Variants in ADCY7 observed in about 807,000 individuals in gnomAD.
ADCY7 encodes the protein adenylate cyclase 7, also known as adenylate cyclase type 7.
A neutral mutation model predicts 120.6 loss-of-function variants in ADCY7; 72 were observed. The ratio of observed to expected loss-of-function variants is 0.60; its 90% CI spans 0.49 to 0.73. The LOEUF is 0.73. Among genes scored for constraint, ADCY7 ranks in the 30% least tolerant of loss-of-function variants. The pLI, the probability that ADCY7 is intolerant of heterozygous loss-of-function variation, is 0.00. For missense variants in ADCY7, 1,227 were observed against 1,486.0 expected (o/e 0.83, Z 2.87); for synonymous variants, 661 against 628.0 (o/e 1.05, Z -0.78).
At chr16:50,267,143 T>C (rs1005321879) in intron 1 of ADCY7, among the ~76,000 whole-genome samples, 6 of 152,130 alleles carry the variant, frequency 3.9e-5, no homozygotes, top group African/African-American at 1.4e-4. Flanking sequence ...CTGAAAGGAG[T>C]GCATGCCTGA....
In ADCY7 at chr16:50,314,399, C is replaced by T. The variant is rs1412161592; in HGVS notation, c.2964C>T (p.Leu988=). 1.9e-6 allele frequency: 3 copies of T among 1,613,456 alleles called. No homozygotes were observed. Among genetic ancestry groups the T allele is most frequent in the East Asian group, 2.2e-5 (1 of 44,880 alleles). The change falls in exon 24 of 26, where the codon CTC becomes CTT. Residue 988 remains leucine, a synonymous_variant. Coordinates refer to ENST00000673801, the MANE Select transcript of ADCY7 (RefSeq NM_001114.5). ...GGCACTCCTTCAACTCCTTCCGCCT[C>T]CGCGTCGGTGAGCCCGGGTGATGGA... ...INRHSFNSFR[L]RVGINHGPVI... is the part of the protein sequence containing the mutation.
intron 21 of ADCY7, among the ~76,000 whole-genome samples, chr16:50,312,669 T>G (rs1486650755): frequency 6.6e-6 from 1 of 152,094 alleles, no homozygotes; most frequent in African/African-American, 2.4e-5. Flanking sequence ...CCATGGTGCT[T>G]CTGTGAGCAA....
rs992076078 is a variant in ADCY7 at position 50,297,966 on chromosome 16, A to G, written c.949-938A>G. ...CCATGAGGCCTCGGTGCATGTGGCC[A>G]CCCTTGCTGAGGGCTTAAGGAGGGT... is the stretch of plus-strand genomic sequence containing the variant. On this transcript the variant is annotated intron_variant, in intron 7 of 25. Transcript: ENST00000673801. The surrounding 1 kb of genome is among the most constrained non-coding windows in gnomAD (Gnocchi z 4.4). Among the ~76,000 whole-genome samples, 7 of 151,190 alleles carry G rather than the reference A, an allele frequency of 4.6e-5. No homozygotes were observed. Among genetic ancestry groups the G allele is most frequent in the Admixed American group, 3.3e-4 (5 of 15,162 alleles).
At position 50,310,874 on chromosome 16, in the gene ADCY7, C is replaced by G; in HGVS notation, c.2348C>G (p.Thr783Ser). ...GGCAACCTCACCAAGCCCAACGGCA[C>G]CACCAGGTGGGGTCCCGCCCGTCCC... is the stretch of plus-strand genomic sequence containing the variant. ...GLGNLTKPNG[T>S]TSGTPSCSWK... The change falls in exon 19 of 26, where the codon ACC (threonine) becomes AGC (serine). Residue 783 changes from threonine (T) to serine (S), a missense_variant. By Grantham distance (58) the Thr-to-Ser change is moderately conservative. This residue lies in a region of ADCY7 where 267 missense variants were observed against 270.0 expected (regional missense o/e 0.99). Transcript: ENST00000673801. 4 of 1,603,360 alleles carry G rather than the reference C, an allele frequency of 2.5e-6. No individual in the cohort carries two copies. The East Asian group carries it at 9.0e-5, about 36-fold the overall frequency.
chr16:50,285,157 C>A (rs1409087851), intron 1 of ADCY7, among the ~76,000 whole-genome samples: 5 of 152,240 alleles, frequency 3.3e-5, no homozygotes, highest in South Asian at 2.1e-4. Context: ...ATTTAAAAAT[C>A]ATCATTTCAC....
chr16:50,307,213 C>T, intron 15 of ADCY7, 66 bp downstream of exon 15: 2 of 1,487,660 alleles, frequency 1.3e-6, no homozygotes, highest in South Asian at 2.3e-5. Flanking sequence ...TGACTATGAA[C>T]CTGCAAGGAG....
chr16:50,308,553 T>C, intron 16 of ADCY7, 114 bp from the exon 17 acceptor site: 1 of 1,549,822 alleles, frequency 6.5e-7, no homozygotes, highest in Non-Finnish European at 8.7e-7. Context: ...TCGGGGACAA[T>C]TTCCTGAGTG....
At chr16:50,310,239 G>A (rs1228228681) in intron 18 of ADCY7, among the ~76,000 whole-genome samples, 1 of 152,142 alleles carries the variant, frequency 6.6e-6, no homozygotes, top group East Asian at 1.9e-4. Flanking sequence ...AGAACTGGGA[G>A]ATGGAGCCGG....
At chr16:50,287,570 C>T (rs941718243) in intron 1 of ADCY7, among the ~76,000 whole-genome samples, 3 of 151,000 alleles carry the variant, frequency 2.0e-5, no homozygotes, top group South Asian at 2.1e-4. Context: ...GTCCCAGCTA[C>T]GTAGGAGGCT....
chr16:50,292,962 G>A lies in ADCY7; in HGVS notation c.687+137G>A, dbSNP rs868157549. 28 of 1,163,922 alleles carry A rather than the reference G, an allele frequency of 2.4e-5. No individual in the cohort carries two copies. The African/African-American group carries it at 3.4e-4, about 14-fold the overall frequency. The allele number at this position is 1,163,922 out of a possible 1,614,324, so 72.1% of individuals were successfully genotyped here. On this transcript the variant is annotated intron_variant, in intron 5 of 25. Transcript: ENST00000673801. ...TGCAGGTCTCACCTCGGTGAGTCCTGGGCTCCAGCAGGGTAACCATAGCCT... is the reference window on the plus strand; with the variant it reads ...TGCAGGTCTCACCTCGGTGAGTCCTAGGCTCCAGCAGGGTAACCATAGCCT...
chr16:50,284,311 C>T (rs1262865297), intron 1 of ADCY7, among the ~76,000 whole-genome samples: 1 of 152,216 alleles, frequency 6.6e-6, no homozygotes, highest in Non-Finnish European at 1.5e-5. Flanking sequence ...CCACTGTCCA[C>T]CTGCGCCTGC....
At chr16:50,249,320 G>A (rs1370889681) in intron 1 of ADCY7, among the ~76,000 whole-genome samples, 1 of 152,044 alleles carries the variant, frequency 6.6e-6, no homozygotes, top group African/African-American at 2.4e-5. Flanking sequence ...TGTGCCTGTA[G>A]TCCCAGCTAC....
At chr16:50,272,805 C>T (rs1352397465) in intron 1 of ADCY7, among the ~76,000 whole-genome samples, 1 of 152,130 alleles carries the variant, frequency 6.6e-6, no homozygotes, top group Non-Finnish European at 1.5e-5. Flanking sequence ...TCCTGGGCCC[C>T]CAGGCCTGTC....
At chr16:50,255,605 C>T (rs1382526179) in intron 1 of ADCY7, among the ~76,000 whole-genome samples, 2 of 152,172 alleles carry the variant, frequency 1.3e-5, no homozygotes, top group African/African-American at 4.8e-5. Flanking sequence ...AGCCATGCCC[C>T]TACTTCAGCC....
At chr16:50,252,583 C>T (rs138018115) in intron 1 of ADCY7, among the ~76,000 whole-genome samples, 122 of 152,248 alleles carry the variant, frequency 8.0e-4, no homozygotes, top group Admixed American at 2.1e-3. Flanking sequence ...GGCTCAGTGA[C>T]GATGGCAGGA....
chr16:50,286,429 C>CAAA (rs34686094), intron 1 of ADCY7, among the ~76,000 whole-genome samples: 52 of 112,306 alleles, frequency 4.6e-4, no homozygotes, highest in East Asian at 8.7e-4. Flanking sequence ...GACCCCATCT[C>CAAA]AAAAAAAAAA....
In ADCY7 at chr16:50,281,619, T is replaced by C. The variant is rs139624310; in HGVS notation, c.-268-6293T>C. On this transcript the variant is annotated intron_variant, in intron 1 of 25. Transcript: ENST00000673801. ...CACACACAGATCCCACCACGACAGT[T>C]TGGCAAGTCAGGGGCCGGGATATTG... Among the ~76,000 whole-genome samples the C allele has an allele frequency of 2.3e-3, 346 of 152,152 alleles. 1 individual carries two copies. The highest frequency in any genetic ancestry group is 8.1e-3 in the African/African-American group (337 of 41,498).
intron 1 of ADCY7, among the ~76,000 whole-genome samples, chr16:50,269,389 G>A (rs1308579605): frequency 1.3e-5 from 2 of 152,242 alleles, no homozygotes; most frequent in African/African-American, 4.8e-5. Flanking sequence ...TGAGGGATTC[G>A]TGGGGGTGGT....
chr16:50,299,888 C>T (rs1018672072), intron 8 of ADCY7, among the ~76,000 whole-genome samples: 1 of 152,094 alleles, frequency 6.6e-6, no homozygotes, highest in Admixed American at 6.5e-5. Flanking sequence ...CTGTCTTGGG[C>T]GTCCCCTGTG....
Sources: allele counts gnomAD v4.1 joint callset (sites outside exome capture counted in the v4.1 genomes callset), GRCh38; gene constraint gnomAD v4.1.1; regional missense constraint gnomAD v4.1.1; non-coding constraint Gnocchi (gnomAD v3.1); transcripts MANE v1.5; gene names NCBI Gene and HGNC (gene_info 2026-07-23, HGNC 2026-07-21).